AGBL4: variants seen among roughly 807,000 people sequenced by gnomAD.
AGBL4 encodes cytosolic carboxypeptidase 6.
In AGBL4, 58 loss-of-function variants were observed where a neutral mutation model predicts 66.4. The observed-to-expected ratio is 0.87, with a 90% CI of 0.71 to 1.09. The LOEUF (loss-of-function observed/expected upper bound fraction) is 1.09. Among genes scored for constraint, AGBL4 ranks in the 50% least tolerant of loss-of-function variants. The pLI is 0.00. For missense variants in AGBL4, 579 were observed against 631.0 expected, an observed-to-expected ratio of 0.92 and a Z score of 0.88; for synonymous variants, 234 against 222.9, an observed-to-expected ratio of 1.05 and a Z score of -0.44.
chr1:49,290,212 C>A (rs1251170687), intron 3 of AGBL4, among the ~76,000 whole-genome samples: 1 of 152,156 alleles, frequency 6.6e-6, no homozygotes, highest in African/African-American at 2.4e-5. Context: ...CCTATAACAA[C>A]CTCTCTTATA....
At chr1:48,992,802 T>C (rs1005336188) in intron 5 of AGBL4, among the ~76,000 whole-genome samples, 2 of 152,028 alleles carry the variant, frequency 1.3e-5, no homozygotes, top group South Asian at 4.1e-4. Flanking sequence ...CTACCACTTA[T>C]GTTCACCCCA....
At chr1:49,872,628 T>C (rs1287197686) in intron 1 of AGBL4, among the ~76,000 whole-genome samples, 1 of 152,096 alleles carries the variant, frequency 6.6e-6, no homozygotes, top group Non-Finnish European at 1.5e-5. Flanking sequence ...GCTCAAGGCT[T>C]TTTAAAAGGT....
At position 48,758,265 on chromosome 1, in the gene AGBL4, G is replaced by T. The variant is rs543615315; in HGVS notation, c.635-95024C>A. 6.6e-5 allele frequency among the ~76,000 whole-genome samples: 10 copies of T among 152,282 alleles called. No homozygotes were observed. In the East Asian group the frequency reaches 1.7e-3, roughly 26 times the overall value. On this transcript the variant is annotated intron_variant, in intron 6 of 13. Coordinates refer to ENST00000371839, the MANE Select transcript of AGBL4 (RefSeq NM_032785.4). ...AGTCCAGACATCCCAGGCTGGTAAA[G>T]TTTTCAAGTCCTTCCATCTTCTGTC...
chr1:49,136,273 T>G (rs1646009312), intron 4 of AGBL4, among the ~76,000 whole-genome samples: 1 of 152,172 alleles, frequency 6.6e-6, no homozygotes, highest in Non-Finnish European at 1.5e-5. Flanking sequence ...TACTAGGTGC[T>G]GGTCATTTCA....
rs150522272 is a variant in AGBL4, at chr1:49,862,040, A to G, written c.35-10522T>C. On this transcript the variant is annotated intron_variant, in intron 1 of 13. Transcript: ENST00000371839. ...ACAAAAACATGGTCTCACCAAACAA[A>G]CAAATAAAACACAAGAGACCAATCC... Among the ~76,000 whole-genome samples, 110 of 152,252 alleles carry G rather than the reference A, an allele frequency of 7.2e-4. 2 individuals carry two copies. The East Asian group carries it at 0.02, about 28-fold the overall frequency.
At chr1:49,757,689 C>T (rs1311880499) in intron 2 of AGBL4, among the ~76,000 whole-genome samples, 1 of 152,088 alleles carries the variant, frequency 6.6e-6, no homozygotes, top group East Asian at 1.9e-4. Context: ...GAGCATTTTG[C>T]CCTTGTCCTA....
intron 1 of AGBL4, among the ~76,000 whole-genome samples, chr1:49,967,700 C>T (rs1003344875): frequency 1.5e-4 from 23 of 151,886 alleles, no homozygotes; most frequent in Admixed American, 1.5e-3. Flanking sequence ...TATACTACAG[C>T]CAGAAATATG....
chr1:49,122,794 C>T (rs932150694), intron 4 of AGBL4, among the ~76,000 whole-genome samples: 1 of 152,112 alleles, frequency 6.6e-6, no homozygotes, highest in Non-Finnish European at 1.5e-5. Flanking sequence ...GTAAATAAGG[C>T]AGTTAGCAAT....
At chr1:49,988,559 A>G (rs779894515) in intron 1 of AGBL4, among the ~76,000 whole-genome samples, 5 of 152,212 alleles carry the variant, frequency 3.3e-5, no homozygotes, top group African/African-American at 4.8e-5. Context: ...GCCTGCATGA[A>G]GCAAAGAAAG....
At chr1:49,386,204 T>C in intron 3 of AGBL4, among the ~76,000 whole-genome samples, 1 of 151,948 alleles carries the variant, frequency 6.6e-6, no homozygotes, top group Admixed American at 6.6e-5. Context: ...TGTTAGAATA[T>C]GTTCATTAAC....
intron 1 of AGBL4, among the ~76,000 whole-genome samples, chr1:49,927,678 CAA>C (rs199530205): frequency 2.7e-5 from 3 of 109,884 alleles, no homozygotes; most frequent in East Asian, 2.6e-4. Context: ...TCAGAGGAGA[CAA>C]AAAAAAAAAA....
rs1243014664 is a variant in AGBL4, at chr1:49,697,406, C to T, written c.189G>A (p.Glu63=). 1 of 1,533,396 alleles carries T rather than the reference C, an allele frequency of 6.5e-7. No individual in the cohort carries two copies. Among genetic ancestry groups the T allele is most frequent in the Non-Finnish European group, 8.8e-7 (1 of 1,132,754 alleles). The allele number at this position is 1,533,396 out of a possible 1,614,324, so 95.0% of individuals were successfully genotyped here. The change falls in exon 3 of 14, where the codon GAG becomes GAA. Residue 63 remains glutamate, a synonymous_variant. Coordinates refer to ENST00000371839, the MANE Select transcript of AGBL4 (RefSeq NM_032785.4). ...GCCTAATGAACAGATCATACTCAAA[C>T]TCAGAGACCTGGTCCACCCGGCCCA... is the stretch of plus-strand genomic sequence containing the variant. ...GNLGRVDQVS[E]FEYDLFIRPD...
chr1:49,864,427 TC>T (rs1441551093), intron 1 of AGBL4, among the ~76,000 whole-genome samples: 1 of 152,052 alleles, frequency 6.6e-6, no homozygotes, highest in East Asian at 1.9e-4. Context: ...AGTGGGAGGC[TC>T]CAACCAAGAG....
In AGBL4 at chr1:49,534,818, C is replaced by T. The variant is rs571168458; in HGVS notation, c.282+162495G>A. ...CATTTCAGTATTTTAGAAGCCAAGA[C>T]CACCAGATCACACCGTGAAGTTCAC... On this transcript the variant is annotated intron_variant, in intron 3 of 13. Coordinates refer to ENST00000371839, the MANE Select transcript of AGBL4 (RefSeq NM_032785.4). 3.3e-4 allele frequency among the ~76,000 whole-genome samples: 50 copies of T among 152,300 alleles called. No homozygotes were observed. In the South Asian group the frequency reaches 0.01, roughly 32 times the overall value.
intron 3 of AGBL4, among the ~76,000 whole-genome samples, chr1:49,275,264 T>C (rs998064845): frequency 6.6e-6 from 1 of 152,174 alleles, no homozygotes; most frequent in Non-Finnish European, 1.5e-5. Context: ...TATAAGGTTC[T>C]AGACCTGTGG....
chr1:49,200,650 C>T (rs372482279), intron 4 of AGBL4, among the ~76,000 whole-genome samples: 38 of 152,268 alleles, frequency 2.5e-4, no homozygotes, highest in African/African-American at 9.1e-4. Context: ...AACAGATTTA[C>T]TCATTTATTA....
At chr1:49,272,636 T>A (rs1331233352) in intron 3 of AGBL4, among the ~76,000 whole-genome samples, 1 of 152,192 alleles carries the variant, frequency 6.6e-6, no homozygotes, top group Non-Finnish European at 1.5e-5. Flanking sequence ...CAGATAAACA[T>A]TAACATTTCC....
intron 1 of AGBL4, among the ~76,000 whole-genome samples, chr1:49,937,883 A>T (rs564949855): frequency 6.6e-6 from 1 of 152,216 alleles, no homozygotes; most frequent in Admixed American, 6.5e-5. Flanking sequence ...AATCCCCACA[A>T]GAGAAAGCAG....
rs188198632 is a variant in AGBL4 at position 49,954,198 on chromosome 1, G to C, written c.34+69565C>G. 3.6e-3 allele frequency among the ~76,000 whole-genome samples: 549 copies of C among 151,984 alleles called. 3 individuals carry two copies. The highest frequency in any genetic ancestry group is 0.012 in the African/African-American group (496 of 41,488). On this transcript the variant is annotated intron_variant, in intron 1 of 13. Transcript: ENST00000371839. ...GTGTTAGCCACTGTGCCCAGCTCTAGTTTTATTTTTTAATCTTCATTTCCC... is the reference window on the plus strand; with the variant it reads ...GTGTTAGCCACTGTGCCCAGCTCTACTTTTATTTTTTAATCTTCATTTCCC...
Sources: gnomAD v4.1 joint callset for allele counts (sites outside exome capture counted in the v4.1 genomes callset) on GRCh38, gnomAD v4.1.1 for gene constraint, MANE v1.5 for transcripts, NCBI Gene and HGNC (gene_info 2026-07-23, HGNC 2026-07-21) for gene names.